The following PAX2 variants were observed in gnomAD, a reference collection of about 807,000 sequenced individuals.
The protein encoded by PAX2 is paired box protein Pax-2.
Under a neutral mutation model 41.7 loss-of-function variants are expected in PAX2, and 9 were observed. That is an observed-to-expected ratio of 0.22 (90% CI 0.13 to 0.38). The LOEUF is 0.38. Ranked by LOEUF, PAX2 falls within the 10% of genes least tolerant of loss-of-function variation. PAX2 has a pLI of 1.00. For synonymous variants in PAX2, 221 were observed against 212.7 expected (o/e 1.04, Z -0.34); for missense variants, 418 against 531.6 (o/e 0.79, Z 2.10).
rs1311684409 is a variant in PAX2, at chr10:100,794,166, AG to A, written c.617-12262del. Among the ~76,000 whole-genome samples the A allele has an allele frequency of 4.6e-5, 7 of 152,206 alleles. No individual in the cohort carries two copies. In the East Asian group the frequency reaches 1.3e-3, roughly 29 times the overall value. On this transcript the variant is annotated intron_variant, in intron 5 of 9. Coordinates refer to ENST00000355243, the MANE Select transcript of PAX2 (RefSeq NM_000278.5). ...CTTTCCTCCAACAGTTCTGCCTGAA[AG>A]GCCACAGCCCTGCCTGGACATATGT...
chr10:100,828,450 G>C lies in PAX2; in HGVS notation c.*831G>C, dbSNP rs904928019. Reference sequence around the variant, plus strand: ...AGCCCTGCCTTGCCCCTACCTCAGCGTCTCTTCCACCTGCTGGCCTCCCAG... The same window carrying C: ...AGCCCTGCCTTGCCCCTACCTCAGCCTCTCTTCCACCTGCTGGCCTCCCAG... On this transcript the variant is annotated 3_prime_UTR_variant, in exon 10 of 10. Transcript: ENST00000355243. This position sits in a 1 kb window ranked among gnomAD's most constrained non-coding sequence, Gnocchi z 6.5. 1.7e-5 allele frequency: 4 copies of C among 234,216 alleles called. No homozygotes were observed. The highest frequency in any genetic ancestry group is 6.6e-5 in the African/African-American group (3 of 45,306). The allele number at this position is 234,216 out of a possible 1,614,324, so 14.5% of individuals were successfully genotyped here. A position where few individuals can be genotyped will look rare whatever the true frequency, so the allele number is the denominator to read the frequency against.
chr10:100,739,795 C>A (rs923444198), intron 1 of PAX2, among the ~76,000 whole-genome samples: 9 of 152,208 alleles, frequency 5.9e-5, no homozygotes, highest in Admixed American at 5.9e-4. Context: ...TCGACCACAG[C>A]CCGATGAGGC....
intron 7 of PAX2, among the ~76,000 whole-genome samples, chr10:100,815,165 C>A (rs1345327341): frequency 6.6e-6 from 1 of 152,188 alleles, no homozygotes; most frequent in African/African-American, 2.4e-5. Context: ...TAACAACCCC[C>A]TTCCAATGCA....
chr10:100,746,112 C>CCCCCCG lies in PAX2; in HGVS notation c.-141_-136dup. 6.5e-7 allele frequency: 1 copy of CCCCCCG among 1,530,840 alleles called. No homozygotes were observed. The highest frequency in any genetic ancestry group is 8.8e-7 in the Non-Finnish European group (1 of 1,142,338). The allele number at this position is 1,530,840 out of a possible 1,614,324, so 94.8% of individuals were successfully genotyped here. On this transcript the variant is annotated 5_prime_UTR_variant, in exon 1 of 10. Coordinates refer to ENST00000355243, the MANE Select transcript of PAX2 (RefSeq NM_000278.5). ...CCCCAGCGGGGAGCGCAGTGCTGCGCCCCCCGCCCCCGCGCGCCCCGCAGC... is the reference window on the plus strand; with the variant it reads ...CCCCAGCGGGGAGCGCAGTGCTGCGCCCCCCGCCCCCGCCCCCGCGCGCCCCGCAGC...
At chr10:100,744,748 G>T (rs541338144), upstream of PAX2, among the ~76,000 whole-genome samples, 544 of 152,296 alleles carry the variant, frequency 3.6e-3, 2 homozygotes, top group African/African-American at 0.012. Context: ...CAAGTCCCCC[G>T]GCTCTCCCGC....
rs901597416 is a variant in PAX2 at position 100,829,684 on chromosome 10, C to T, written c.*2065C>T. ...GAAAAGAGAATCGTTTAAGGGAACCCGGCGCCCAGCCAGGCTCCAGTGGCC... is the reference window on the plus strand; with the variant it reads ...GAAAAGAGAATCGTTTAAGGGAACCTGGCGCCCAGCCAGGCTCCAGTGGCC... On this transcript the variant is annotated 3_prime_UTR_variant, in exon 10 of 10. Coordinates refer to ENST00000355243, the MANE Select transcript of PAX2 (RefSeq NM_000278.5). 3.4e-5 allele frequency: 7 copies of T among 203,288 alleles called. No individual in the cohort carries two copies. The highest frequency in any genetic ancestry group is 3.0e-4 in the Admixed American group (5 of 16,686). 12.6% of individuals were successfully genotyped at this position (203,288 alleles called of 1,614,324 possible). A position where few individuals can be genotyped will look rare whatever the true frequency, so the allele number is the denominator to read the frequency against.
intron 7 of PAX2, among the ~76,000 whole-genome samples, chr10:100,813,316 G>A (rs553230268): frequency 1.3e-5 from 2 of 152,314 alleles, no homozygotes; most frequent in East Asian, 3.9e-4. Flanking sequence ...TTGATGTCTG[G>A]GACCCAGGCA....
intron 5 of PAX2, among the ~76,000 whole-genome samples, chr10:100,799,931 G>A (rs927964925): frequency 3.9e-4 from 58 of 149,948 alleles, no homozygotes; most frequent in Non-Finnish European, 5.6e-4. Context: ...GATTACAGGC[G>A]CCCACCACTA....
chr10:100,773,802 T>G (rs887713209), intron 3 of PAX2, among the ~76,000 whole-genome samples: 3 of 152,156 alleles, frequency 2.0e-5, no homozygotes, highest in Non-Finnish European at 4.4e-5. Context: ...GTCATCAGGC[T>G]AAAAGGAATC....
At chr10:100,735,556 GGCGGCTCGGGTTATCTGAGCC>G (rs1307038910) in exon 1 of PAX2, 1 of 504,972 alleles carries the variant, frequency 2.0e-6, no homozygotes, top group African/African-American at 2.0e-5. Flanking sequence ...CGTGGCGGCG[GGCGGCTCGGGTTATCTGAGCC>G]GCTTGGTGTT....
At chr10:100,770,589 G>T (rs1846176358) in intron 3 of PAX2, among the ~76,000 whole-genome samples, 1 of 152,244 alleles carries the variant, frequency 6.6e-6, no homozygotes. Flanking sequence ...CAGCCCCATG[G>T]CCCATCTAGC....
intron 3 of PAX2, among the ~76,000 whole-genome samples, chr10:100,762,960 A>C (rs554062994): frequency 6.6e-6 from 1 of 152,334 alleles, no homozygotes; most frequent in East Asian, 1.9e-4. Context: ...GATTGGGTAC[A>C]GTTCGGTAGG....
intron 5 of PAX2, among the ~76,000 whole-genome samples, chr10:100,795,884 C>T (rs1030089849): frequency 3.3e-5 from 5 of 152,224 alleles, no homozygotes; most frequent in Non-Finnish European, 7.3e-5. Context: ...TTGGAGAAGA[C>T]AAAAGCAAGC....
At chr10:100,777,398 C>CT (rs56136871) in intron 3 of PAX2, among the ~76,000 whole-genome samples, 7,251 of 121,894 alleles carry the variant, frequency 0.059, 393 homozygotes, top group Middle Eastern at 0.12. Context: ...CGCATCTGGC[C>CT]TTTTTTTTTT....
At chr10:100,757,364 T>A (rs576638851) in intron 3 of PAX2, among the ~76,000 whole-genome samples, 3 of 152,352 alleles carry the variant, frequency 2.0e-5, no homozygotes, top group African/African-American at 7.2e-5. Flanking sequence ...AGGCTGAAGA[T>A]TCCTCATTTC....
chr10:100,793,825 A>G (rs1395946048), intron 5 of PAX2, among the ~76,000 whole-genome samples: 3 of 152,192 alleles, frequency 2.0e-5, no homozygotes, highest in Non-Finnish European at 4.4e-5. Context: ...ATGTGGGCCC[A>G]GGTGCCCAGT....
intron 7 of PAX2, among the ~76,000 whole-genome samples, chr10:100,819,468 G>A (rs1472902514): frequency 6.6e-6 from 1 of 152,070 alleles, no homozygotes; most frequent in East Asian, 1.9e-4. Context: ...TACTTGGGAG[G>A]CTGAGGCAAG....
At chr10:100,807,654 T>C (rs1413008524) in intron 6 of PAX2, among the ~76,000 whole-genome samples, 1 of 152,052 alleles carries the variant, frequency 6.6e-6, no homozygotes, top group Non-Finnish European at 1.5e-5. Flanking sequence ...AGCATATGCC[T>C]CCACCCACAT....
Position 100,826,816 on chromosome 10 carries a change from C to T in PAX2, c.1022-193C>T, listed in dbSNP as rs950633458. 6.6e-6 allele frequency among the ~76,000 whole-genome samples: 1 copy of T among 152,200 alleles called. No homozygotes were observed. Among genetic ancestry groups the T allele is most frequent in the Non-Finnish European group, 1.5e-5 (1 of 68,022 alleles). ...GCGAGCGCGTCGGTGCCTCCCGCCT[C>T]CCCGGGCTCTCTCCACGCGGACGCG... On this transcript the variant is annotated intron_variant, in intron 8 of 9. Transcript: ENST00000355243. The surrounding 1 kb of genome is among the most constrained non-coding windows in gnomAD (Gnocchi z 5.5).
Sources: allele counts gnomAD v4.1 joint callset (sites outside exome capture counted in the v4.1 genomes callset), GRCh38; gene constraint gnomAD v4.1.1; non-coding constraint Gnocchi (gnomAD v3.1); transcripts MANE v1.5; gene names NCBI Gene and HGNC (gene_info 2026-07-23, HGNC 2026-07-21).